The following PTDSS1 variants were observed in gnomAD, a reference collection of about 807,000 sequenced individuals.
PTDSS1 encodes the protein phosphatidylserine synthase 1.
PTDSS1 carries 45 observed loss-of-function variants against 70.5 expected under a neutral mutation model. The observed-to-expected ratio is 0.64, with a 90% CI of 0.50 to 0.82. PTDSS1 has a LOEUF of 0.82. PTDSS1 is among the 40% of genes least tolerant of loss of function. The probability of loss-of-function intolerance (pLI) is 0.00; values close to 1 mark genes in which losing one functional copy is unlikely to be tolerated. For synonymous variants in PTDSS1, 188 were observed against 203.8 expected (o/e 0.92, Z 0.66); for missense variants, 417 against 586.1 (o/e 0.71, Z 2.98).
chr8:96,263,832 C>T (rs1345990582), intron 1 of PTDSS1, among the ~76,000 whole-genome samples: 1 of 152,132 alleles, frequency 6.6e-6, no homozygotes, highest in Non-Finnish European at 1.5e-5. Flanking sequence ...GGTGGTGCCT[C>T]CCTTAGGAAT....
intron 4 of PTDSS1, among the ~76,000 whole-genome samples, chr8:96,291,291 T>A (rs1307802179): frequency 6.6e-6 from 1 of 152,184 alleles, no homozygotes; most frequent in African/African-American, 2.4e-5. Context: ...ATGAAAAATT[T>A]TAAACCTATG....
chr8:96,293,205 A>G (rs1810931404), intron 4 of PTDSS1, among the ~76,000 whole-genome samples: 1 of 152,256 alleles, frequency 6.6e-6, no homozygotes. Context: ...ACTTTGTTAT[A>G]TGCCTGACAC....
intron 2 of PTDSS1, among the ~76,000 whole-genome samples, chr8:96,280,682 C>T (rs983172571): frequency 2.0e-5 from 3 of 152,198 alleles, no homozygotes; most frequent in African/African-American, 4.8e-5. Flanking sequence ...TTCGTTGCTG[C>T]ACCACTGCCC....
Position 96,262,289 on chromosome 8 carries a change from G to GT in PTDSS1, c.179+70_179+71insT. On this transcript the variant is annotated intron_variant, in intron 1 of 12. Transcript: ENST00000517309. This position sits in a 1 kb window ranked among gnomAD's most constrained non-coding sequence, Gnocchi z 4.4. Reference sequence around the variant, plus strand: ...AAGAGGCGGGAGGGAGGGTGGCGGGGAGGGGGGCCCGGCATGGCTCTGGGT... The same window carrying GT: ...AAGAGGCGGGAGGGAGGGTGGCGGGGTAGGGGGGCCCGGCATGGCTCTGGGT... 9 of 1,070,666 alleles carry GT rather than the reference G, an allele frequency of 8.4e-6. No individual in the cohort carries two copies. The highest frequency in any genetic ancestry group is 9.5e-6 in the Non-Finnish European group (7 of 734,658). The allele number at this position is 1,070,666 out of a possible 1,614,324, so 66.3% of individuals were successfully genotyped here. A position where few individuals can be genotyped will look rare whatever the true frequency, so the allele number is the denominator to read the frequency against.
Position 96,262,085 on chromosome 8 carries a change from G to A in PTDSS1, c.45G>A (p.Val15=). Reference sequence around the variant, plus strand: ...GCCGGACCCTAAGCAAGGATGATGTGAACTACAAAATGCATTTCCGGATGA... The same window carrying A: ...GCCGGACCCTAAGCAAGGATGATGTAAACTACAAAATGCATTTCCGGATGA... ...VGSRTLSKDD[V]NYKMHFRMIN... Residue 15 remains valine, a synonymous_variant, in exon 1 of 13, where the codon GTG becomes GTA. Transcript: ENST00000517309. The surrounding 1 kb of genome is among the most constrained non-coding windows in gnomAD (Gnocchi z 4.4). 1 of 1,613,858 alleles carries A rather than the reference G, an allele frequency of 6.2e-7. No individual in the cohort carries two copies. The highest frequency in any genetic ancestry group is 1.1e-5 in the South Asian group (1 of 91,082).
At chr8:96,282,648 A>G (rs142573707) in intron 2 of PTDSS1, among the ~76,000 whole-genome samples, 2 of 152,222 alleles carry the variant, frequency 1.3e-5, no homozygotes, top group South Asian at 2.1e-4. Context: ...ACTGATTTTC[A>G]TAATAAGAAC....
chr8:96,265,757 C>A (rs2129983553), intron 1 of PTDSS1, among the ~76,000 whole-genome samples: 1 of 152,282 alleles, frequency 6.6e-6, no homozygotes, highest in East Asian at 1.9e-4. Context: ...CAGAATGAGA[C>A]CCTGTCTCAA....
intron 2 of PTDSS1, chr8:96,283,567 A>G (rs530273287): frequency 6.5e-6 from 1 of 152,706 alleles, no homozygotes; most frequent in Admixed American, 6.5e-5. Flanking sequence ...GAAAAGCCAC[A>G]TGATGTTTCT....
At chr8:96,329,562 C>A (rs889957475) in intron 10 of PTDSS1, among the ~76,000 whole-genome samples, 6 of 152,128 alleles carry the variant, frequency 3.9e-5, no homozygotes, top group African/African-American at 1.4e-4. Flanking sequence ...TAGAGGTTGT[C>A]CCTGCCTCTG....
rs3735986 is a variant in PTDSS1, at chr8:96,333,362, A to G, written c.1313-95A>G. On this transcript the variant is annotated intron_variant, in intron 12 of 12. Transcript: ENST00000517309. ...AGGGGGAGTGCACGTATCAGGGAAG[A>G]ACCTGTTCCCCGGCAAGCCTAGGGC... 731,388 of 1,060,248 alleles carry G rather than the reference A, an allele frequency of 0.69. 253,601 individuals are homozygous for G. Among genetic ancestry groups the G allele is most frequent in the South Asian group, 0.76 (59,506 of 77,822 alleles). The allele number at this position is 1,060,248 out of a possible 1,614,324, so 65.7% of individuals were successfully genotyped here.
At chr8:96,279,818 C>CAAATAAATAAATAAATAAAT (rs10615614) in intron 2 of PTDSS1, among the ~76,000 whole-genome samples, 1 of 148,490 alleles carries the variant, frequency 6.7e-6, no homozygotes, top group African/African-American at 2.5e-5. Flanking sequence ...TACTCCATCT[C>CAAATAAATAAATAAATAAAT]AAATAAATAA....
intron 1 of PTDSS1, among the ~76,000 whole-genome samples, chr8:96,267,584 T>G (rs1810506231): frequency 6.6e-6 from 1 of 152,224 alleles, no homozygotes; most frequent in Admixed American, 6.5e-5. Flanking sequence ...CTGCTTTACT[T>G]GATAACTTAG....
rs1239488624 is a variant in PTDSS1, at chr8:96,334,224, A to C, written c.*658A>C. On this transcript the variant is annotated 3_prime_UTR_variant, in exon 13 of 13. Coordinates refer to ENST00000517309, the MANE Select transcript of PTDSS1 (RefSeq NM_014754.3). ...TCCTACCACATGGCGAGTATACACCAATCAGGAGAGGGTAGCTGCCTGCAT... is the reference window on the plus strand; with the variant it reads ...TCCTACCACATGGCGAGTATACACCCATCAGGAGAGGGTAGCTGCCTGCAT... The C allele has an allele frequency of 6.1e-6, 1 of 163,592 alleles. No individual in the cohort carries two copies. The highest frequency in any genetic ancestry group is 2.4e-5 in the African/African-American group (1 of 41,820). The allele number at this position is 163,592 out of a possible 1,614,324, so 10.1% of individuals were successfully genotyped here.
chr8:96,326,947 G>A (rs1036765119), intron 10 of PTDSS1, among the ~76,000 whole-genome samples: 1 of 152,172 alleles, frequency 6.6e-6, no homozygotes, highest in Non-Finnish European at 1.5e-5. Flanking sequence ...TGTGGTAGCT[G>A]GGAGGGGACT....
chr8:96,307,000 C>G (rs1017163235), intron 8 of PTDSS1, among the ~76,000 whole-genome samples: 1 of 152,070 alleles, frequency 6.6e-6, no homozygotes. Context: ...ATTTAATTTC[C>G]TTTTAAAAAG....
chr8:96,301,730 G>T (rs1811053589), intron 6 of PTDSS1, among the ~76,000 whole-genome samples: 1 of 151,220 alleles, frequency 6.6e-6, no homozygotes. Flanking sequence ...TGGTCAGGCT[G>T]GTCTCGAACT....
chr8:96,318,592 C>A (rs1474596294), intron 9 of PTDSS1, among the ~76,000 whole-genome samples: 2 of 152,192 alleles, frequency 1.3e-5, no homozygotes, highest in African/African-American at 4.8e-5. Flanking sequence ...AGTGAGAAAA[C>A]CTTCTGGGTT....
At chr8:96,303,885 T>C (rs760985320) in intron 6 of PTDSS1, among the ~76,000 whole-genome samples, 155 bp from the exon 7 acceptor site, 8 of 152,192 alleles carry the variant, frequency 5.3e-5, no homozygotes, top group Non-Finnish European at 1.0e-4. Context: ...TTTACCTGTA[T>C]AGAGAGACCT....
At chr8:96,309,523 C>A in intron 8 of PTDSS1, 34 bp from the exon 9 acceptor site, 2 of 1,594,736 alleles carry the variant, frequency 1.3e-6, no homozygotes, top group Non-Finnish European at 1.7e-6. Context: ...GGTCTTCCAG[C>A]AGCTCTCAAT....
Sources: allele counts gnomAD v4.1 joint callset (sites outside exome capture counted in the v4.1 genomes callset), GRCh38; gene constraint gnomAD v4.1.1; non-coding constraint Gnocchi (gnomAD v3.1); transcripts MANE v1.5; gene names NCBI Gene and HGNC (gene_info 2026-07-23, HGNC 2026-07-21).